Variants in HELLS observed in about 807,000 individuals in gnomAD.
HELLS encodes lymphoid-specific helicase.
In HELLS, 32 loss-of-function variants were observed where a neutral mutation model predicts 120.0. The observed-to-expected ratio is 0.27, with a 90% CI of 0.20 to 0.36. The LOEUF is 0.36. HELLS is among the 10% of genes least tolerant of loss of function. The pLI, the probability that HELLS is intolerant of heterozygous loss-of-function variation, is 1.00. For synonymous variants in HELLS, 341 were observed against 323.4 expected (o/e 1.05, Z -0.58); for missense variants, 650 against 993.4 (o/e 0.65, Z 4.65).
intron 12 of HELLS, 126 bp downstream of exon 12, chr10:94,583,185 G>T: frequency 2.1e-6 from 1 of 472,938 alleles, no homozygotes. Flanking sequence ...ACATTTAAAT[G>T]ACTCCTTTGT....
intron 12 of HELLS, among the ~76,000 whole-genome samples, chr10:94,583,792 A>G (rs916979367): frequency 6.6e-6 from 1 of 152,186 alleles, no homozygotes; most frequent in East Asian, 1.9e-4. Context: ...TTAAACAGTT[A>G]TCAGAAAATT....
intron 9 of HELLS, among the ~76,000 whole-genome samples, chr10:94,575,767 GTGTTTGT>G (rs1844429288): frequency 2.1e-4 from 20 of 95,452 alleles, no homozygotes; most frequent in Admixed American, 5.5e-4. Context: ...GGGGGGGGTT[GTGTTTGT>G]GTGTGTGTGT....
chr10:94,600,448 A>C (rs1012582039), intron 21 of HELLS, among the ~76,000 whole-genome samples: 3 of 151,942 alleles, frequency 2.0e-5, no homozygotes, highest in African/African-American at 7.3e-5. Flanking sequence ...TAAAAGTCAT[A>C]ATAATCAAGA....
chr10:94,567,014 C>T (rs1015171334), intron 6 of HELLS, among the ~76,000 whole-genome samples: 2 of 152,080 alleles, frequency 1.3e-5, no homozygotes, highest in Admixed American at 6.6e-5. Context: ...TACTGAATTT[C>T]CTGCTCTCTT....
intron 12 of HELLS, among the ~76,000 whole-genome samples, chr10:94,585,385 GTT>G (rs10540229): frequency 0.47 from 57,613 of 121,876 alleles, 12,111 homozygotes; most frequent in East Asian, 0.72. Context: ...GTTTGTTTTT[GTT>G]TTTTTTTTTG....
intron 21 of HELLS, 40 bp downstream of exon 21, chr10:94,597,151 T>C (rs749250676): frequency 9.0e-7 from 1 of 1,115,404 alleles, no homozygotes; most frequent in African/African-American, 1.5e-5. Context: ...CTTCGAAACA[T>C]ACACTTAATT....
At chr10:94,588,131 A>C (rs1845272693) in intron 12 of HELLS, 98 bp from the exon 13 acceptor site, 1 of 574,312 alleles carries the variant, frequency 1.7e-6, no homozygotes, top group South Asian at 3.4e-5. Context: ...TTTATATAGG[A>C]AGTCAAAAGA....
At chr10:94,559,036 C>G (rs1319292316) in intron 4 of HELLS, among the ~76,000 whole-genome samples, 1 of 152,144 alleles carries the variant, frequency 6.6e-6, no homozygotes, top group African/African-American at 2.4e-5. Context: ...CGCCTACTCA[C>G]TTACATTTAT....
chr10:94,611,824 C>G (rs1042530607), exon 10 of HELLS: 3 of 152,142 alleles, frequency 2.0e-5, no homozygotes, highest in African/African-American at 7.2e-5. Flanking sequence ...ATACCTTTTA[C>G]GGCATGTAAT....
At chr10:94,549,560 A>G (rs1042893855) in intron 2 of HELLS, among the ~76,000 whole-genome samples, 1 of 152,214 alleles carries the variant, frequency 6.6e-6, no homozygotes, top group Non-Finnish European at 1.5e-5. Context: ...TAAAAGGATC[A>G]TGATATGTGT....
intron 19 of HELLS, 91 bp from the exon 20 acceptor site, chr10:94,596,766 CCTT>C (rs533630634): frequency 3.7e-4 from 240 of 647,476 alleles, no homozygotes; most frequent in African/African-American, 2.6e-3. Context: ...TTTTTGCCGT[CCTT>C]CTTAATGCAA....
At chr10:94,555,675 G>C (rs926806250) in intron 3 of HELLS, among the ~76,000 whole-genome samples, 3 of 152,048 alleles carry the variant, frequency 2.0e-5, no homozygotes, top group Non-Finnish European at 2.9e-5. Flanking sequence ...TGTTGCCCAG[G>C]CTGGTGTGCA....
chr10:94,567,413 C>T (rs989833509), intron 6 of HELLS, among the ~76,000 whole-genome samples: 6 of 152,170 alleles, frequency 3.9e-5, no homozygotes, highest in African/African-American at 1.4e-4. Flanking sequence ...ATTCTCCTGC[C>T]TCAGCCTTCC....
Position 94,576,815 on chromosome 10 carries a change from A to T in HELLS, c.1032+10A>T, listed in dbSNP as rs116010492. On this transcript the variant is annotated intron_variant, in intron 10 of 21. Transcript: ENST00000348459. ...CCGAAATGCGTTACAGGTACAAATGATCTTCATTGGTTTCTTTGTAATACA... is the reference window on the plus strand; with the variant it reads ...CCGAAATGCGTTACAGGTACAAATGTTCTTCATTGGTTTCTTTGTAATACA... The T allele has an allele frequency of 7.2e-4, 1,142 of 1,589,618 alleles. 6 individuals carry two copies. In the African/African-American group the frequency reaches 0.013, roughly 17 times the overall value.
intron 4 of HELLS, 33 bp downstream of exon 4, chr10:94,558,228 A>G (rs761369016): frequency 1.2e-5 from 19 of 1,531,364 alleles, no homozygotes; most frequent in Non-Finnish European, 9.6e-6. Flanking sequence ...TTTTTATGTC[A>G]TTTAAATATT....
chr10:94,594,526 A>G (rs900170664), intron 18 of HELLS, among the ~76,000 whole-genome samples, 169 bp from the exon 19 acceptor site: 1 of 152,156 alleles, frequency 6.6e-6, no homozygotes, highest in Non-Finnish European at 1.5e-5. Context: ...AATATTGTCA[A>G]GGATCTGTGG....
At chr10:94,557,151 T>C (rs1170865518) in intron 3 of HELLS, 1 of 412,032 alleles carries the variant, frequency 2.4e-6, no homozygotes, top group South Asian at 1.8e-5. Context: ...ACATCATTTA[T>C]TGTATTTATT....
chr10:94,592,270 T>G lies in HELLS; in HGVS notation c.1809T>G (p.Ile603Met). The G allele has an allele frequency of 6.2e-7, 1 of 1,612,736 alleles. No homozygotes were observed. The highest frequency in any genetic ancestry group is 8.5e-7 in the Non-Finnish European group (1 of 1,179,418). The change falls in exon 16 of 22, where the codon ATT (isoleucine) becomes ATG (methionine). Residue 603 changes from isoleucine (I) to methionine (M), a missense_variant. Coordinates refer to ENST00000348459, the MANE Select transcript of HELLS (RefSeq NM_018063.5). ...TAACAAATTCTGGGAAGTTCTTGAT[T>G]TTGGATCGAATGCTGCCAGAACTAA... ...ELVTNSGKFL[I>M]LDRMLPELKK...
chr10:94,569,982 A>G (rs1353571414), intron 6 of HELLS: 1 of 151,854 alleles, frequency 6.6e-6, no homozygotes, highest in Admixed American at 6.6e-5. Flanking sequence ...CCTGTTAACT[A>G]TAGTAACTAT....
Sources: gnomAD v4.1 joint callset for allele counts (sites outside exome capture counted in the v4.1 genomes callset) on GRCh38, gnomAD v4.1.1 for gene constraint, MANE v1.5 for transcripts, NCBI Gene and HGNC (gene_info 2026-07-23, HGNC 2026-07-21) for gene names.